PTGER3: variants seen among roughly 807,000 people sequenced by gnomAD.
The protein encoded by PTGER3 is prostaglandin E receptor 3.
PTGER3 carries 22 observed loss-of-function variants against 34.7 expected under a neutral mutation model. The ratio of observed to expected loss-of-function variants is 0.63; its 90% CI spans 0.45 to 0.91. The LOEUF (loss-of-function observed/expected upper bound fraction) is 0.91. Ranked by LOEUF, PTGER3 falls within the 40% of genes least tolerant of loss-of-function variation. The pLI is 0.00. For synonymous variants in PTGER3, 241 were observed against 230.1 expected (o/e 1.05, Z -0.43); for missense variants, 468 against 519.4 (o/e 0.90, Z 0.96).
intron 1 of PTGER3, among the ~76,000 whole-genome samples, chr1:71,042,172 A>G (rs528684487): frequency 6.6e-5 from 10 of 151,732 alleles, no homozygotes; most frequent in African/African-American, 2.2e-4. Flanking sequence ...AAAAGAGTGA[A>G]GTCCTCATCT....
chr1:71,000,225 G>GGT (rs1656352415), intron 2 of PTGER3, among the ~76,000 whole-genome samples: 1 of 152,158 alleles, frequency 6.6e-6, no homozygotes, highest in Non-Finnish European at 1.5e-5. Flanking sequence ...ACCCAAGTCA[G>GGT]GTGTGAACCC....
chr1:70,987,584 T>G (rs1309157008), intron 2 of PTGER3, among the ~76,000 whole-genome samples: 4 of 152,214 alleles, frequency 2.6e-5, no homozygotes, highest in African/African-American at 9.7e-5. Flanking sequence ...CTCTATGCAC[T>G]TCAGTGTTCT....
chr1:70,945,738 A>C (rs1329720100), intron 4 of PTGER3, among the ~76,000 whole-genome samples: 1 of 152,076 alleles, frequency 6.6e-6, no homozygotes, highest in Non-Finnish European at 1.5e-5. Context: ...TAAAACCTTT[A>C]ACTTTTTAAA....
At chr1:70,952,762 G>A in exon 4 of PTGER3, 2 of 1,307,028 alleles carry the variant, frequency 1.5e-6, no homozygotes, top group Non-Finnish European at 2.0e-6. Flanking sequence ...TTGCCCAAAT[G>A]ACCTGGCTTG....
At chr1:70,913,293 G>T (rs1647101222) in intron 4 of PTGER3, among the ~76,000 whole-genome samples, 1 of 151,692 alleles carries the variant, frequency 6.6e-6, no homozygotes, top group African/African-American at 2.4e-5. Flanking sequence ...TAAATTTTTA[G>T]TAGTTCATTG....
chr1:70,964,269 C>T (rs1442497526), intron 2 of PTGER3, among the ~76,000 whole-genome samples: 1 of 152,196 alleles, frequency 6.6e-6, no homozygotes, highest in Non-Finnish European at 1.5e-5. Context: ...CTATTTCAAC[C>T]TCTACCTATC....
chr1:71,040,874 T>C (rs913366458), intron 1 of PTGER3, among the ~76,000 whole-genome samples: 5 of 152,174 alleles, frequency 3.3e-5, no homozygotes, highest in Admixed American at 6.5e-5. Context: ...AGAAAATGGC[T>C]TCTAACTTGA....
At chr1:70,855,593 T>C (rs1645784731) in intron 4 of PTGER3, among the ~76,000 whole-genome samples, 1 of 152,224 alleles carries the variant, frequency 6.6e-6, no homozygotes, top group Admixed American at 6.5e-5. Flanking sequence ...CTAGTACTAC[T>C]TTAATTTTGT....
chr1:70,988,968 G>A (rs1451149142), intron 2 of PTGER3, among the ~76,000 whole-genome samples: 4 of 152,082 alleles, frequency 2.6e-5, no homozygotes, highest in African/African-American at 9.7e-5. Flanking sequence ...AACATGAGGA[G>A]GCTGGTTTTA....
chr1:70,999,842 T>C (rs759990147), intron 2 of PTGER3, among the ~76,000 whole-genome samples: 1 of 152,220 alleles, frequency 6.6e-6, no homozygotes, highest in Non-Finnish European at 1.5e-5. Context: ...GAAGTAGAAG[T>C]GCAGTTTTTC....
At chr1:70,946,926 A>G (rs1201557646) in intron 4 of PTGER3, among the ~76,000 whole-genome samples, 2 of 152,072 alleles carry the variant, frequency 1.3e-5, no homozygotes, top group Admixed American at 1.3e-4. Context: ...GCAGACTTAT[A>G]TAATTCCAGG....
downstream of PTGER3, among the ~76,000 whole-genome samples, chr1:70,949,191 T>C (rs533757476): frequency 6.6e-6 from 1 of 152,154 alleles, no homozygotes; most frequent in Non-Finnish European, 1.5e-5. Context: ...ACAATCTAAG[T>C]TTCTGAGGTT....
intron 2 of PTGER3, 146 bp from the exon 3 acceptor site, chr1:70,974,534 C>T (rs2072947): frequency 0.53 from 299,718 of 562,606 alleles, 84,271 homozygotes; most frequent in East Asian, 0.69. Context: ...CTCATTTCTA[C>T]TTCCATGCTT....
chr1:70,903,170 C>A (rs1039318592), intron 4 of PTGER3, among the ~76,000 whole-genome samples: 9 of 152,232 alleles, frequency 5.9e-5, no homozygotes, highest in African/African-American at 2.2e-4. Flanking sequence ...CCAAGGAATG[C>A]CAACAGCCAA....
intron 4 of PTGER3, among the ~76,000 whole-genome samples, chr1:70,859,399 A>G (rs12126078): frequency 0.067 from 10,130 of 152,086 alleles, 428 homozygotes; most frequent in Non-Finnish European, 0.1. Flanking sequence ...TATTCTCATT[A>G]GTTTTCTTTT....
At chr1:71,012,206 T>A in intron 2 of PTGER3, 99 bp downstream of exon 2, 1 of 1,606,290 alleles carries the variant, frequency 6.2e-7, no homozygotes, top group Non-Finnish European at 8.5e-7. Flanking sequence ...GCAAGTTAAG[T>A]GTTTTCTTTC....
chr1:70,905,737 A>G (rs2182325), intron 4 of PTGER3, among the ~76,000 whole-genome samples: 99,298 of 151,884 alleles, frequency 0.65, 32,839 homozygotes, highest in African/African-American at 0.7. Context: ...TCATTATCTC[A>G]TTGTCTCAGA....
intron 4 of PTGER3, among the ~76,000 whole-genome samples, chr1:70,868,566 C>A (rs890309068): frequency 1.3e-5 from 2 of 152,106 alleles, no homozygotes; most frequent in African/African-American, 4.8e-5. Flanking sequence ...ATCACAGCCA[C>A]TAAGATTTTG....
intron 4 of PTGER3, chr1:70,869,342 A>C (rs1408087231): frequency 4.3e-6 from 2 of 465,734 alleles, no homozygotes; most frequent in Non-Finnish European, 8.9e-6. Context: ...ATACAATTCA[A>C]CATGAGATTT....
Sources: allele counts gnomAD v4.1 joint callset (sites outside exome capture counted in the v4.1 genomes callset), GRCh38; gene constraint gnomAD v4.1.1; transcripts MANE v1.5; gene names NCBI Gene and HGNC (gene_info 2026-07-23, HGNC 2026-07-21).